PLSCR4: variants seen among roughly 807,000 people sequenced by gnomAD.
PLSCR4 encodes the protein phospholipid scramblase 4.
In PLSCR4, 25 loss-of-function variants were observed where a neutral mutation model predicts 36.3. That is an observed-to-expected ratio of 0.69 (90% CI 0.50 to 0.96). PLSCR4 has a LOEUF of 0.96. PLSCR4 is among the 40% of genes least tolerant of loss of function. PLSCR4 has a pLI of 0.00. For synonymous variants in PLSCR4, 122 were observed against 132.9 expected (o/e 0.92, Z 0.56); for missense variants, 408 against 414.7 (o/e 0.98, Z 0.14).
At chr3:146,211,260 T>A (rs1168149666) in intron 3 of PLSCR4, among the ~76,000 whole-genome samples, 1 of 152,096 alleles carries the variant, frequency 6.6e-6, no homozygotes, top group Non-Finnish European at 1.5e-5. Flanking sequence ...GGGTATGAAG[T>A]TGTATCTTAT....
rs149173745 is a variant in PLSCR4 at position 146,246,620 on chromosome 3, A to T, written c.-22+4340T>A. 1.3e-3 allele frequency among the ~76,000 whole-genome samples: 198 copies of T among 152,232 alleles called. 1 individual carries two copies. Among genetic ancestry groups the T allele is most frequent in the African/African-American group, 4.4e-3 (182 of 41,570 alleles). ...TTTAGAGTAGAAAAATATCAGAACAATATTCTCATGATGTTTATATAAGAC... is the reference window on the plus strand; with the variant it reads ...TTTAGAGTAGAAAAATATCAGAACATTATTCTCATGATGTTTATATAAGAC... On this transcript the variant is annotated intron_variant, in intron 1 of 8. Transcript: ENST00000354952.
chr3:146,208,014 A>G (rs2034427227), intron 3 of PLSCR4, among the ~76,000 whole-genome samples: 1 of 152,184 alleles, frequency 6.6e-6, no homozygotes, highest in Non-Finnish European at 1.5e-5. Context: ...TGGAGGCATC[A>G]CATTACTTGA....
At chr3:146,237,908 G>C (rs533681327) in intron 1 of PLSCR4, among the ~76,000 whole-genome samples, 86 of 151,746 alleles carry the variant, frequency 5.7e-4, no homozygotes, top group African/African-American at 2.0e-3. Context: ...GCTAAAAATT[G>C]TTGCTTTGAA....
intron 1 of PLSCR4, among the ~76,000 whole-genome samples, chr3:146,233,898 A>G (rs911915071): frequency 6.6e-6 from 1 of 152,130 alleles, no homozygotes; most frequent in Non-Finnish European, 1.5e-5. Flanking sequence ...CCTCACTACT[A>G]TACCCTATAA....
intron 1 of PLSCR4, among the ~76,000 whole-genome samples, chr3:146,225,280 CAG>C (rs1199995243): frequency 2.0e-5 from 3 of 152,194 alleles, no homozygotes; most frequent in Non-Finnish European, 4.4e-5. Flanking sequence ...CAGCTAAACA[CAG>C]GGTGCTGATT....
Position 146,195,107 on chromosome 3 carries a change from A to G in PLSCR4, c.945+17T>C, listed in dbSNP as rs767742285. Reference sequence around the variant, plus strand: ...AAGAACAACTCTCTCAGGATAACTCAAAAATAGAAGGCTTACAATGAGGAA... The same window carrying G: ...AAGAACAACTCTCTCAGGATAACTCGAAAATAGAAGGCTTACAATGAGGAA... On this transcript the variant is annotated intron_variant, in intron 8 of 8. Coordinates refer to ENST00000354952, the MANE Select transcript of PLSCR4 (RefSeq NM_020353.3). 3 of 1,611,732 alleles carry G rather than the reference A, an allele frequency of 1.9e-6. No individual in the cohort carries two copies. In the Admixed American group the frequency reaches 5.0e-5, roughly 27 times the overall value.
At chr3:146,208,279 G>A (rs559136623) in intron 3 of PLSCR4, among the ~76,000 whole-genome samples, 4 of 152,062 alleles carry the variant, frequency 2.6e-5, no homozygotes, top group East Asian at 1.9e-4. Context: ...AAAAATCAAC[G>A]CAAGATGGAT....
chr3:146,238,817 A>G (rs1362259108), intron 1 of PLSCR4, among the ~76,000 whole-genome samples: 1 of 152,188 alleles, frequency 6.6e-6, no homozygotes, highest in Non-Finnish European at 1.5e-5. Flanking sequence ...AAAAAGAAAT[A>G]AAGCCATCTG....
intron 1 of PLSCR4, among the ~76,000 whole-genome samples, chr3:146,242,276 T>C (rs1386789590): frequency 1.3e-5 from 2 of 152,222 alleles, no homozygotes; most frequent in Non-Finnish European, 2.9e-5. Flanking sequence ...AGATAAACTC[T>C]GCTGAATTTG....
intron 3 of PLSCR4, among the ~76,000 whole-genome samples, chr3:146,209,050 A>G (rs1055037405): frequency 6.6e-6 from 1 of 152,050 alleles, no homozygotes; most frequent in Non-Finnish European, 1.5e-5. Flanking sequence ...GTGGGATTAC[A>G]TATATATATG....
At chr3:146,221,808 C>T (rs2035155571) in intron 2 of PLSCR4, among the ~76,000 whole-genome samples, 1 of 152,116 alleles carries the variant, frequency 6.6e-6, no homozygotes, top group African/African-American at 2.4e-5. Flanking sequence ...ATTTTCCCCA[C>T]AAACTTCAAA....
At chr3:146,228,485 A>C (rs76941337) in intron 1 of PLSCR4, among the ~76,000 whole-genome samples, 9 of 152,042 alleles carry the variant, frequency 5.9e-5, no homozygotes, top group African/African-American at 2.2e-4. Context: ...GAAAAAAAAA[A>C]CGGAGACATT....
intron 1 of PLSCR4, among the ~76,000 whole-genome samples, chr3:146,250,352 A>G (rs2036497372): frequency 6.6e-6 from 1 of 152,186 alleles, no homozygotes. Context: ...GTATAAAATT[A>G]AAAACTAAAT....
intron 1 of PLSCR4, among the ~76,000 whole-genome samples, chr3:146,244,371 C>T (rs1266388109): frequency 6.6e-6 from 1 of 152,112 alleles, no homozygotes; most frequent in Non-Finnish European, 1.5e-5. Context: ...CTTTGCTATA[C>T]TGTGATTCAC....
chr3:146,212,974 TGTG>T (rs2034699227), intron 3 of PLSCR4, among the ~76,000 whole-genome samples: 1 of 152,208 alleles, frequency 6.6e-6, no homozygotes, highest in Non-Finnish European at 1.5e-5. Context: ...GATGTGGTCA[TGTG>T]GTGTTTGTAC....
At chr3:146,226,677 T>G (rs1450012071) in intron 1 of PLSCR4, among the ~76,000 whole-genome samples, 1 of 152,152 alleles carries the variant, frequency 6.6e-6, no homozygotes, top group East Asian at 1.9e-4. Context: ...TTAACACAGT[T>G]CCAGGTGATC....
chr3:146,232,341 T>G (rs2035746145), intron 1 of PLSCR4, among the ~76,000 whole-genome samples: 1 of 152,190 alleles, frequency 6.6e-6, no homozygotes, highest in Non-Finnish European at 1.5e-5. Flanking sequence ...TTGTTCCATA[T>G]GAATTTCAGA....
intron 1 of PLSCR4, among the ~76,000 whole-genome samples, chr3:146,243,622 A>G (rs2036240143): frequency 6.6e-6 from 1 of 152,182 alleles, no homozygotes; most frequent in African/African-American, 2.4e-5. Flanking sequence ...CAAAGTGCCT[A>G]TAGATGACAT....
chr3:146,250,788 T>G (rs1248791619), intron 1 of PLSCR4, 172 bp downstream of exon 1: 3 of 152,168 alleles, frequency 2.0e-5, no homozygotes, highest in Admixed American at 1.3e-4. Flanking sequence ...CACCTGAGGA[T>G]GCGACGCGAG....
Sources: gnomAD v4.1 joint callset for allele counts (sites outside exome capture counted in the v4.1 genomes callset) on GRCh38, gnomAD v4.1.1 for gene constraint, MANE v1.5 for transcripts, NCBI Gene and HGNC (gene_info 2026-07-23, HGNC 2026-07-21) for gene names.